ACACA: variants seen among roughly 807,000 people sequenced by gnomAD.
ACACA encodes acetyl-CoA carboxylase 1.
A neutral mutation model predicts 296.1 loss-of-function variants in ACACA; 103 were observed. That is an observed-to-expected ratio of 0.35 (90% confidence interval 0.30 to 0.41). ACACA has a LOEUF of 0.41. ACACA is among the 10% of genes least tolerant of loss of function. ACACA has a pLI of 1.00. For synonymous variants in ACACA, 953 were observed against 1,038.6 expected, an observed-to-expected ratio of 0.92 and a Z score of 1.58; for missense variants, 1,554 against 2,989.7, an observed-to-expected ratio of 0.52 and a Z score of 11.20.
In ACACA at chr17:37,226,124, A is replaced by AAAGGGCTTCTATTTT. The variant is rs1203350688; in HGVS notation, c.3360+200_3360+214dup. 3.9e-5 allele frequency among the ~76,000 whole-genome samples: 6 copies of AAAGGGCTTCTATTTT among 152,324 alleles called. No individual in the cohort carries two copies. The South Asian group carries it at 8.3e-4, about 21-fold the overall frequency. On this transcript the variant is annotated intron_variant, in intron 26 of 55. Transcript: ENST00000616317. ...ATGATACCAGGATTTTTTAATGGGG[A>AAAGGGCTTCTATTTT]AAGGGCTTCTATTTTAAAGAGACGC...
At chr17:37,096,895 C>A in intron 54 of ACACA, 101 bp downstream of exon 54, 1 of 1,394,518 alleles carries the variant, frequency 7.2e-7, no homozygotes, top group Non-Finnish European at 1.0e-6. Flanking sequence ...CCTTCTACTC[C>A]TGCCCTTAGA....
At chr17:37,312,004 C>A (rs1010471395) in intron 3 of ACACA, among the ~76,000 whole-genome samples, 7 of 151,986 alleles carry the variant, frequency 4.6e-5, no homozygotes, top group African/African-American at 1.7e-4. Flanking sequence ...GTAATCCTAG[C>A]ATTTGGGAAA....
chr17:37,125,835 G>T, intron 47 of ACACA, 41 bp from the exon 48 acceptor site: 1 of 1,525,184 alleles, frequency 6.6e-7, no homozygotes, highest in Non-Finnish European at 9.1e-7. Flanking sequence ...TAAGGACAGT[G>T]AATCCATTGA....
chr17:37,285,150 A>G (rs1445987321), intron 3 of ACACA, among the ~76,000 whole-genome samples, 180 bp from the exon 4 acceptor site: 4 of 152,184 alleles, frequency 2.6e-5, no homozygotes, highest in South Asian at 4.2e-4. Context: ...AAATTTAAGG[A>G]AAAAAAAGCG....
In ACACA at chr17:37,330,357, G is replaced by T; in HGVS notation, c.154C>A (p.Gln52Lys). 1 of 1,614,164 alleles carries T rather than the reference G, an allele frequency of 6.2e-7. No individual in the cohort carries two copies. Among genetic ancestry groups the T allele is most frequent in the East Asian group, 2.2e-5 (1 of 44,884 alleles). Residue 52 changes from glutamine to lysine, a missense_variant, in exon 3 of 56, where the codon CAG (glutamine) becomes AAG (lysine). Coordinates refer to ENST00000616317, the MANE Select transcript of ACACA (RefSeq NM_198834.3). ...SPLAQPLELN[Q>K]HSRFIIGSVS... ...GAACCTATTATGAATCGAGAGTGCT[G>T]GTTCAGCTCCAGAGGTTGGGCCAAG...
chr17:37,189,756 T>C (rs994136248), intron 38 of ACACA, among the ~76,000 whole-genome samples: 1 of 152,204 alleles, frequency 6.6e-6, no homozygotes, highest in Non-Finnish European at 1.5e-5. Context: ...GATGATGAGA[T>C]TTGAGTCAAA....
chr17:37,194,112 G>A (rs963632401), intron 35 of ACACA, among the ~76,000 whole-genome samples: 2 of 151,824 alleles, frequency 1.3e-5, no homozygotes, highest in African/African-American at 4.8e-5. Context: ...GAGTTCATTA[G>A]TTTCTGAAAT....
At position 37,388,812 on chromosome 17, in the gene ACACA, T is replaced by C. The variant is rs185893602; in HGVS notation, c.38+17450A>G. 164 of 1,612,080 alleles carry C rather than the reference T, an allele frequency of 1.0e-4. 1 individual carries two copies. The East Asian group carries it at 3.1e-3, about 30-fold the overall frequency. On this transcript the variant is annotated intron_variant, in intron 1 of 55. Transcript: ENST00000616317. ...CATGTCCTGTAAGTTTGCTGTTGTA[T>C]TGAATCCTTGAACTTGACCCATAAA...
chr17:37,363,414 C>T (rs897752637), intron 1 of ACACA, among the ~76,000 whole-genome samples: 1 of 151,796 alleles, frequency 6.6e-6, no homozygotes, highest in African/African-American at 2.4e-5. Context: ...AACTCCTGAC[C>T]TTGTGATCCA....
Position 37,087,171 on chromosome 17 carries a change from C to A in ACACA, c.*145G>T, listed in dbSNP as rs778415830. 51 of 1,114,030 alleles carry A rather than the reference C, an allele frequency of 4.6e-5. No individual in the cohort carries two copies. Among genetic ancestry groups the A allele is most frequent in the South Asian group, 3.8e-4 (28 of 73,394 alleles). 69.0% of individuals were successfully genotyped at this position (1,114,030 alleles called of 1,614,324 possible). A position where few individuals can be genotyped will look rare whatever the true frequency, so the allele number is the denominator to read the frequency against. Reference sequence around the variant, plus strand: ...TGATCTTACATCCCAGGATGTCATGCATAACCTGAAACGAGAGGAAGTAAA... The same window carrying A: ...TGATCTTACATCCCAGGATGTCATGAATAACCTGAAACGAGAGGAAGTAAA... On this transcript the variant is annotated 3_prime_UTR_variant, in exon 56 of 56. Transcript: ENST00000616317.
At chr17:37,295,758 A>T (rs1199659460) in intron 3 of ACACA, among the ~76,000 whole-genome samples, 2 of 151,990 alleles carry the variant, frequency 1.3e-5, no homozygotes, top group Admixed American at 1.3e-4. Flanking sequence ...CCCCATCTCT[A>T]CTAAAAAATA....
At chr17:37,218,367 T>C (rs769056528) in intron 29 of ACACA, among the ~76,000 whole-genome samples, 18 of 152,208 alleles carry the variant, frequency 1.2e-4, no homozygotes, top group Admixed American at 3.3e-4. Context: ...TGTTATTACA[T>C]ATTGAAATGG....
chr17:37,229,005 G>A (rs1181844647), intron 25 of ACACA, among the ~76,000 whole-genome samples: 2 of 151,832 alleles, frequency 1.3e-5, no homozygotes, highest in East Asian at 3.9e-4. Context: ...TTAGCCGGGC[G>A]TGGTGGCGGG....
At chr17:37,395,597 T>A (rs949400093) in intron 1 of ACACA, among the ~76,000 whole-genome samples, 1 of 152,028 alleles carries the variant, frequency 6.6e-6, no homozygotes, top group African/African-American at 2.4e-5. Flanking sequence ...CAGGCTGGAG[T>A]GCAATGGCGT....
rs544810029 is a variant in ACACA at position 37,208,942 on chromosome 17, G to A, written c.3708-1142C>T. 6.6e-5 allele frequency among the ~76,000 whole-genome samples: 10 copies of A among 152,316 alleles called. No homozygotes were observed. In the East Asian group the frequency reaches 1.2e-3, roughly 18 times the overall value. On this transcript the variant is annotated intron_variant, in intron 30 of 55. Transcript: ENST00000616317. ...TTGCAGGGGGAAGAGAGACGACAAC[G>A]TGGACTTGATATCTGGGTACATATT...
intron 1 of ACACA, chr17:37,392,329 C>T (rs557693840): frequency 5.3e-5 from 8 of 152,376 alleles, no homozygotes; most frequent in South Asian, 2.1e-4. Flanking sequence ...AGTCTTCTGA[C>T]GATCCAGAAT....
chr17:37,249,505 CT>C (rs2080878565), intron 16 of ACACA, among the ~76,000 whole-genome samples: 1 of 152,210 alleles, frequency 6.6e-6, no homozygotes, highest in South Asian at 2.1e-4. Flanking sequence ...TCTCTACGTA[CT>C]TGCCAATACT....
In ACACA at chr17:37,191,109, G is replaced by C; in HGVS notation, c.4572+11C>G. 1.2e-6 allele frequency: 2 copies of C among 1,613,940 alleles called. No individual in the cohort carries two copies. The highest frequency in any genetic ancestry group is 2.2e-5 in the South Asian group (2 of 91,068). ...TGCTAGTGCTGGGAGAGAAGCTAAG[G>C]AGAAATGTACCTTTGATGGGTCCAT... is the stretch of plus-strand genomic sequence containing the variant. On this transcript the variant is annotated intron_variant, in intron 38 of 55. Transcript: ENST00000616317.
chr17:37,364,590 CAAAA>C (rs58523091), intron 1 of ACACA, among the ~76,000 whole-genome samples: 1 of 94,096 alleles, frequency 1.1e-5, no homozygotes. Flanking sequence ...GACTCCGTCT[CAAAA>C]AAAAAAAAAA....
Sources: allele counts gnomAD v4.1 joint callset (sites outside exome capture counted in the v4.1 genomes callset), GRCh38; gene constraint gnomAD v4.1.1; transcripts MANE v1.5; gene names NCBI Gene and HGNC (gene_info 2026-07-23, HGNC 2026-07-21).